MICU3: variants seen among roughly 807,000 people sequenced by gnomAD.
MICU3 encodes calcium uptake protein 3, mitochondrial.
A neutral mutation model predicts 66.5 loss-of-function variants in MICU3; 62 were observed. The observed-to-expected ratio is 0.93, with a 90% confidence interval of 0.76 to 1.15. The LOEUF is 1.15. MICU3 is among the 50% of genes most tolerant of loss of function. The pLI is 0.00. For missense variants in MICU3, 779 were observed against 664.4 expected (o/e 1.17, Z -1.90); for synonymous variants, 308 against 240.7 (o/e 1.28, Z -2.59).
At chr8:17,123,132 G>T (rs1427181722), downstream of MICU3, among the ~76,000 whole-genome samples, 9 of 152,000 alleles carry the variant, frequency 5.9e-5, no homozygotes, top group Admixed American at 2.6e-4. Context: ...AATCACTGTG[G>T]TTTGTAAAAA....
At chr8:17,081,808 T>C in intron 5 of MICU3, 68 bp downstream of exon 5, 1 of 694,272 alleles carries the variant, frequency 1.4e-6, no homozygotes, top group Non-Finnish European at 2.5e-6. Flanking sequence ...GGAAAGCAGA[T>C]CTTAGGTTCT....
At chr8:17,067,638 C>G (rs1184023245) in intron 2 of MICU3, among the ~76,000 whole-genome samples, 1 of 152,010 alleles carries the variant, frequency 6.6e-6, no homozygotes, top group Non-Finnish European at 1.5e-5. Context: ...CATGGTTTAA[C>G]CATATTGGCC....
Position 17,105,602 on chromosome 8 carries a change from T to G in MICU3, c.1257+18T>G. 1 of 1,452,088 alleles carries G rather than the reference T, an allele frequency of 6.9e-7. No homozygotes were observed. The highest frequency in any genetic ancestry group is 9.2e-7 in the Non-Finnish European group (1 of 1,083,754). The allele number at this position is 1,452,088 out of a possible 1,614,324, so 90.0% of individuals were successfully genotyped here. A position where few individuals can be genotyped will look rare whatever the true frequency, so the allele number is the denominator to read the frequency against. ...AAGAAAAGGTATCTAATCCTCATAT[T>G]TAGTTGGTTATGTTACTGTTTTGCA... On this transcript the variant is annotated intron_variant, in intron 11 of 14. Coordinates refer to ENST00000318063, the MANE Select transcript of MICU3 (RefSeq NM_181723.3).
At chr8:17,123,568 G>A (rs191249448), downstream of MICU3, among the ~76,000 whole-genome samples, 3 of 152,136 alleles carry the variant, frequency 2.0e-5, no homozygotes, top group East Asian at 5.8e-4. Context: ...AGCATGGGGG[G>A]CAATTCAGAA....
intron 4 of MICU3, among the ~76,000 whole-genome samples, chr8:17,078,709 A>G (rs1353503437): frequency 6.6e-6 from 1 of 152,022 alleles, no homozygotes; most frequent in Non-Finnish European, 1.5e-5. Context: ...GTTATAATTC[A>G]TATATTTTAT....
At chr8:17,135,291 G>T in the MICU3 span, among the ~76,000 whole-genome samples, 2 of 151,960 alleles carry the variant, frequency 1.3e-5, no homozygotes, top group Admixed American at 6.6e-5. Context: ...CCCGCTACTC[G>T]GGAGGCTGAG....
intron 8 of MICU3, among the ~76,000 whole-genome samples, chr8:17,093,016 T>C (rs1311584351): frequency 6.6e-6 from 1 of 152,060 alleles, no homozygotes; most frequent in Non-Finnish European, 1.5e-5. Context: ...TAGTGAACTG[T>C]TCCAAAATTT....
intron 12 of MICU3, among the ~76,000 whole-genome samples, chr8:17,115,018 C>G (rs976653771): frequency 1.3e-5 from 2 of 150,098 alleles, no homozygotes; most frequent in Non-Finnish European, 3.0e-5. Context: ...ACTTGGGAGG[C>G]TGAGGCAGGA....
At chr8:17,068,737 A>C (rs34826505) in intron 2 of MICU3, among the ~76,000 whole-genome samples, 5,626 of 152,228 alleles carry the variant, frequency 0.037, 154 homozygotes, top group Middle Eastern at 0.061. Context: ...ATAAAGAAAA[A>C]ACTACACAGC....
At chr8:17,049,450 C>G (rs1208580042) in intron 1 of MICU3, among the ~76,000 whole-genome samples, 2 of 152,044 alleles carry the variant, frequency 1.3e-5, no homozygotes, top group Non-Finnish European at 2.9e-5. Flanking sequence ...TTCTGTGGGC[C>G]AAGGGAAAAG....
chr8:17,118,742 A>G lies in MICU3; in HGVS notation c.1560A>G (p.Lys520=), dbSNP rs752114150. ...CAGTCCAGAAGTACCCCACTTTCAA[A>G]TCCTGCCTGAAGAAAGAACTTCACA... ...YKTVQKYPTF[K]SCLKKELHSR Residue 520 remains lysine, a synonymous_variant, in exon 14 of 15, where the codon AAA becomes AAG. Transcript: ENST00000318063. 1 of 1,612,826 alleles carries G rather than the reference A, an allele frequency of 6.2e-7. No homozygotes were observed. The highest frequency in any genetic ancestry group is 2.2e-5 in the East Asian group (1 of 44,822).
chr8:17,102,541 C>A (rs1801357130), intron 9 of MICU3: 1 of 151,882 alleles, frequency 6.6e-6, no homozygotes, highest in Admixed American at 6.6e-5. Context: ...CCCATGTCTT[C>A]TAATTTTAAA....
At chr8:17,042,533 C>T (rs1814327891) in intron 1 of MICU3, among the ~76,000 whole-genome samples, 1 of 152,120 alleles carries the variant, frequency 6.6e-6, no homozygotes, top group African/African-American at 2.4e-5. Context: ...CCCCTTTATT[C>T]TCTGATGTAT....
At position 17,119,252 on chromosome 8, in the gene MICU3, A is replaced by C. The variant is rs185928653; in HGVS notation, c.*477A>C. ...AAAACCAGAATTTAAGCTTCATTCTATCTTATTCATTTATTACTTCCTATT... is the reference window on the plus strand; with the variant it reads ...AAAACCAGAATTTAAGCTTCATTCTCTCTTATTCATTTATTACTTCCTATT... On this transcript the variant is annotated intron_variant, in intron 14 of 14. Transcript: ENST00000318063. 3.2e-3 allele frequency among the ~76,000 whole-genome samples: 482 copies of C among 152,284 alleles called. 1 individual carries two copies. The highest frequency in any genetic ancestry group is 3.7e-3 in the Non-Finnish European group (253 of 68,008).
intron 9 of MICU3, among the ~76,000 whole-genome samples, chr8:17,101,741 C>CT (rs1188567154): frequency 1.3e-5 from 2 of 151,704 alleles, no homozygotes; most frequent in African/African-American, 2.4e-5. Context: ...CATTTTAAGG[C>CT]TTTTTTTCCA....
At chr8:17,077,978 G>GA (rs1477168882) in intron 4 of MICU3, 117 bp downstream of exon 4, 5 of 496,790 alleles carry the variant, frequency 1.0e-5, no homozygotes, top group South Asian at 1.0e-4. Context: ...TATGCATAGA[G>GA]AAAAAACTGA....
At chr8:17,049,390 A>G (rs993344302) in intron 1 of MICU3, among the ~76,000 whole-genome samples, 5 of 152,096 alleles carry the variant, frequency 3.3e-5, no homozygotes, top group African/African-American at 1.2e-4. Flanking sequence ...GCCAAACACT[A>G]TTTCTGGACC....
At chr8:17,114,494 A>C (rs1158257083) in intron 12 of MICU3, among the ~76,000 whole-genome samples, 5 of 152,158 alleles carry the variant, frequency 3.3e-5, no homozygotes, top group African/African-American at 1.2e-4. Context: ...ATGCCTGCTG[A>C]CTCAGAAACT....
downstream of MICU3, among the ~76,000 whole-genome samples, chr8:17,126,732 A>C (rs867564045): frequency 5.3e-4 from 80 of 152,346 alleles, 1 homozygote; most frequent in Middle Eastern, 6.8e-3. Context: ...GAGTTAGACT[A>C]CTTCTTGAAG....
Sources: gnomAD v4.1 joint callset for allele counts (sites outside exome capture counted in the v4.1 genomes callset) on GRCh38, gnomAD v4.1.1 for gene constraint, MANE v1.5 for transcripts, NCBI Gene and HGNC (gene_info 2026-07-23, HGNC 2026-07-21) for gene names.